The following TRPM2 variants were observed in gnomAD, a reference collection of about 807,000 sequenced individuals.
The protein encoded by TRPM2 is estrogen-responsive element-associated gene 1 protein.
A neutral mutation model predicts 174.0 loss-of-function variants in TRPM2; 161 were observed. The ratio of observed to expected loss-of-function variants is 0.93; its 90% CI spans 0.81 to 1.05. TRPM2 has a LOEUF of 1.05. Among genes scored for constraint, TRPM2 ranks in the 50% least tolerant of loss-of-function variants. The pLI, the probability that TRPM2 is intolerant of heterozygous loss-of-function variation, is 0.00. For missense variants in TRPM2, 2,057 were observed against 2,038.0 expected (o/e 1.01, Z -0.18); for synonymous variants, 954 against 861.3 (o/e 1.11, Z -1.88).
chr21:44,382,979 C>T (rs964019879), intron 9 of TRPM2, among the ~76,000 whole-genome samples, 159 bp downstream of exon 9: 7 of 152,254 alleles, frequency 4.6e-5, no homozygotes, highest in Admixed American at 2.6e-4. Context: ...TGCAGGTGGG[C>T]GCCTGCCTGT....
At chr21:44,425,535 C>T (rs1318321443) in intron 24 of TRPM2, 135 bp from the exon 25 acceptor site, 2 of 1,120,622 alleles carry the variant, frequency 1.8e-6, no homozygotes, top group South Asian at 3.7e-5. Flanking sequence ...GTTCGACCTG[C>T]ATGGCCATTT....
chr21:44,437,058 G>A lies in TRPM2; in HGVS notation c.4062-4G>A, dbSNP rs533966760. On this transcript the variant is annotated splice_region_variant and splice_polypyrimidine_tract_variant and intron_variant, in intron 28 of 31. Coordinates refer to ENST00000397928, the MANE Select transcript of TRPM2 (RefSeq NM_003307.4). The stretch of plus-strand genomic sequence containing the variant: ...CTGGGCAGCCATGGCCGCTCTCTCC[G>A]CAGGTGGAGGCGGAACGAGGATGGA... 5.6e-5 allele frequency: 87 copies of A among 1,549,836 alleles called. No homozygotes were observed. Among genetic ancestry groups the A allele is most frequent in the Non-Finnish European group, 6.9e-5 (79 of 1,146,664 alleles).
rs73377630 is a variant in TRPM2, at chr21:44,438,699, C to G, written c.4168-368C>G. Among the ~76,000 whole-genome samples, 591 of 152,252 alleles carry G rather than the reference C, an allele frequency of 3.9e-3. 8 individuals carry two copies. Among genetic ancestry groups the G allele is most frequent in the African/African-American group, 0.014 (566 of 41,552 alleles). On this transcript the variant is annotated intron_variant, in intron 29 of 31. Coordinates refer to ENST00000397928, the MANE Select transcript of TRPM2 (RefSeq NM_003307.4). The surrounding 1 kb of genome is among the most constrained non-coding windows in gnomAD (Gnocchi z 5.9). ...GCAAACAGGGAACCCGCCGTGGCAG[C>G]CTGCTGCACTGGGCGGGAGCTGGGA...
At position 44,373,250 on chromosome 21, in the gene TRPM2, G is replaced by A. The variant is rs530244087; in HGVS notation, c.772-2583G>A. On this transcript the variant is annotated intron_variant, in intron 5 of 31. Transcript: ENST00000397928. ...TGCCCAGGCTGGAGTGCAGTGGTGC[G>A]ATCTCAGCTCACTGCAACCTCCGCC... Among the ~76,000 whole-genome samples, 496 of 151,876 alleles carry A rather than the reference G, an allele frequency of 3.3e-3. 2 individuals carry two copies. The highest frequency in any genetic ancestry group is 0.011 in the African/African-American group (475 of 41,414).
intron 2 of TRPM2, among the ~76,000 whole-genome samples, chr21:44,358,470 G>C (rs9984977): frequency 0.25 from 38,579 of 152,074 alleles, 5,425 homozygotes; most frequent in African/African-American, 0.39. Flanking sequence ...GTGGTGTCCC[G>C]TTTACGCCTA....
intron 13 of TRPM2, among the ~76,000 whole-genome samples, chr21:44,398,443 C>T (rs1026677836): frequency 2.0e-5 from 3 of 152,032 alleles, no homozygotes; most frequent in South Asian, 2.1e-4. Flanking sequence ...TCAGATGATC[C>T]GCCCACCTCG....
chr21:44,407,758 C>A (rs901664883), intron 19 of TRPM2, among the ~76,000 whole-genome samples: 4 of 151,816 alleles, frequency 2.6e-5, no homozygotes, highest in African/African-American at 4.8e-5. Flanking sequence ...CACCGTGTAT[C>A]AGTATTTACT....
At chr21:44,423,419 T>G in intron 22 of TRPM2, 2 of 518,228 alleles carry the variant, frequency 3.9e-6, no homozygotes, top group East Asian at 3.4e-5. Flanking sequence ...GAGCTTGCCA[T>G]GTGAGCCTCG....
In TRPM2 at chr21:44,391,980, T is replaced by C. The variant is rs541100346; in HGVS notation, c.1794+355T>C. ...TTTTCTTTTATTTATTTTTTATTTTTTTGAGACAGGGTCTCACTCTGTCGT... is the reference window on the plus strand; with the variant it reads ...TTTTCTTTTATTTATTTTTTATTTTCTTGAGACAGGGTCTCACTCTGTCGT... On this transcript the variant is annotated intron_variant, in intron 11 of 31. Coordinates refer to ENST00000397928, the MANE Select transcript of TRPM2 (RefSeq NM_003307.4). The surrounding 1 kb of genome is among the most constrained non-coding windows in gnomAD (Gnocchi z 5.0). Among the ~76,000 whole-genome samples the C allele has an allele frequency of 6.6e-6, 1 of 152,248 alleles. No homozygotes were observed. Among genetic ancestry groups the C allele is most frequent in the Admixed American group, 6.5e-5 (1 of 15,294 alleles).
At chr21:44,374,328 A>C (rs2048632589) in intron 5 of TRPM2, among the ~76,000 whole-genome samples, 1 of 152,056 alleles carries the variant, frequency 6.6e-6, no homozygotes, top group Non-Finnish European at 1.5e-5. Context: ...ATATTTTCTA[A>C]GGCAGCGGTC....
chr21:44,373,601 G>A (rs1387335022), intron 5 of TRPM2, among the ~76,000 whole-genome samples: 5 of 151,400 alleles, frequency 3.3e-5, no homozygotes, highest in Admixed American at 2.6e-4. Flanking sequence ...CATTATATGC[G>A]ACCTGCATTA....
intron 4 of TRPM2, 108 bp from the exon 5 acceptor site, chr21:44,369,069 T>C (rs2048443396): frequency 1.7e-6 from 2 of 1,204,178 alleles, no homozygotes; most frequent in East Asian, 5.2e-5. Context: ...AGCTCTGCGT[T>C]GTTGGGGGCG....
chr21:44,364,310 C>T (rs1460715230), intron 3 of TRPM2, 28 bp downstream of exon 3: 15 of 1,610,598 alleles, frequency 9.3e-6, no homozygotes, highest in Non-Finnish European at 1.3e-5. Flanking sequence ...TCGCTCTGAA[C>T]TGTAGGTGGA....
chr21:44,360,150 C>T (rs1289680388), intron 2 of TRPM2, among the ~76,000 whole-genome samples: 2 of 152,182 alleles, frequency 1.3e-5, no homozygotes, highest in Non-Finnish European at 2.9e-5. Context: ...AAATTTATCT[C>T]TTCTTGCCCT....
intron 19 of TRPM2, among the ~76,000 whole-genome samples, chr21:44,412,868 G>A (rs1052864270): frequency 2.6e-4 from 39 of 151,954 alleles, no homozygotes; most frequent in Admixed American, 9.8e-4. Flanking sequence ...ATCAGAGTGC[G>A]TTTCTATCTT....
At chr21:44,423,758 C>T (rs777765767) in intron 23 of TRPM2, 26 bp downstream of exon 23, 1 of 1,564,346 alleles carries the variant, frequency 6.4e-7, no homozygotes, top group Non-Finnish European at 8.7e-7. Flanking sequence ...GGGCCTCCGT[C>T]AGGAGGTGCC....
intron 14 of TRPM2, 93 bp from the exon 15 acceptor site, chr21:44,400,166 A>G (rs1484958117): frequency 1.7e-5 from 18 of 1,063,662 alleles, no homozygotes; most frequent in Non-Finnish European, 2.2e-5. Context: ...AGCTCTGTCC[A>G]CTAGGCACCC....
At position 44,416,564 on chromosome 21, in the gene TRPM2, T is replaced by G. The variant is rs192334163; in HGVS notation, c.3147-1363T>G. 1,399 of 178,074 alleles carry G rather than the reference T, an allele frequency of 7.9e-3. 7 individuals are homozygous for G. Among genetic ancestry groups the G allele is most frequent in the South Asian group, 0.013 (115 of 9,188 alleles). The allele number at this position is 178,074 out of a possible 1,614,324, so 11.0% of individuals were successfully genotyped here. A position where few individuals can be genotyped will look rare whatever the true frequency, so the allele number is the denominator to read the frequency against. On this transcript the variant is annotated intron_variant, in intron 20 of 31. Transcript: ENST00000397928. ...TCCTAGAGTTCAGTGCCAGACAGTG[T>G]CTGTCTCCTGATAAACACCCACTTC...
intron 8 of TRPM2, among the ~76,000 whole-genome samples, chr21:44,379,768 G>T (rs1602171738): frequency 6.6e-6 from 1 of 152,344 alleles, no homozygotes; most frequent in South Asian, 2.1e-4. Context: ...GACCAGGGGG[G>T]TGGGCTCCAG....
Sources: gnomAD v4.1 joint callset for allele counts (sites outside exome capture counted in the v4.1 genomes callset) on GRCh38, gnomAD v4.1.1 for gene constraint, Gnocchi (gnomAD v3.1) non-coding constraint, MANE v1.5 for transcripts, NCBI Gene and HGNC (gene_info 2026-07-23, HGNC 2026-07-21) for gene names.